PTPRD: variants seen among roughly 807,000 people sequenced by gnomAD.
PTPRD encodes protein tyrosine phosphatase receptor type D.
A neutral mutation model predicts 214.5 loss-of-function variants in PTPRD; 34 were observed. The observed-to-expected ratio is 0.16, with a 90% CI of 0.12 to 0.21. The LOEUF is 0.21. Among genes scored for constraint, PTPRD ranks in the 10% least tolerant of loss-of-function variants. The probability of loss-of-function intolerance (pLI) is 1.00; values close to 1 mark genes in which losing one functional copy is unlikely to be tolerated. For missense variants in PTPRD, 2,545 were observed against 2,398.7 expected (o/e 1.06, Z -1.27); for synonymous variants, 1,128 against 845.7 (o/e 1.33, Z -5.79).
At chr9:10,398,264 C>G (rs553990215) in intron 2 of PTPRD, among the ~76,000 whole-genome samples, 4 of 151,444 alleles carry the variant, frequency 2.6e-5, no homozygotes, top group Non-Finnish European at 5.9e-5. Context: ...GCCTACAATC[C>G]CAGCTACTCG....
intron 11 of PTPRD, among the ~76,000 whole-genome samples, chr9:8,768,434 C>T (rs920895956): frequency 6.6e-6 from 1 of 152,054 alleles, no homozygotes; most frequent in Non-Finnish European, 1.5e-5. Context: ...CACCTGTAGT[C>T]CCAGCTACTC....
At chr9:8,768,243 A>T (rs193117666) in intron 11 of PTPRD, among the ~76,000 whole-genome samples, 1 of 152,300 alleles carries the variant, frequency 6.6e-6, no homozygotes, top group African/African-American at 2.4e-5. Flanking sequence ...TAAAAAAATT[A>T]AAAAATAAAA....
At chr9:9,953,296 A>G (rs1195996726) in intron 4 of PTPRD, among the ~76,000 whole-genome samples, 2 of 152,106 alleles carry the variant, frequency 1.3e-5, no homozygotes, top group Non-Finnish European at 2.9e-5. Context: ...ATAGGCATGA[A>G]CAGAACAAAA....
chr9:9,772,707 T>A (rs2098762467), intron 5 of PTPRD, among the ~76,000 whole-genome samples: 1 of 152,190 alleles, frequency 6.6e-6, no homozygotes, highest in African/African-American at 2.4e-5. Context: ...TCTTTTTTCA[T>A]ATAGCAAGTC....
intron 2 of PTPRD, among the ~76,000 whole-genome samples, chr9:10,355,818 A>T (rs76876258): frequency 0.035 from 5,395 of 152,154 alleles, 143 homozygotes; most frequent in South Asian, 0.13. Flanking sequence ...CTTAAAACAT[A>T]GAGTATGAAA....
intron 11 of PTPRD, among the ~76,000 whole-genome samples, chr9:8,853,309 G>C (rs565696010): frequency 6.6e-6 from 1 of 152,236 alleles, no homozygotes; most frequent in East Asian, 1.9e-4. Context: ...TTTTACATCT[G>C]AGGCTATAAT....
intron 3 of PTPRD, among the ~76,000 whole-genome samples, chr9:10,132,666 T>G (rs1053321412): frequency 6.6e-6 from 1 of 152,120 alleles, no homozygotes; most frequent in African/African-American, 2.4e-5. Context: ...CAGAAAAAAG[T>G]AGAGAACAGA....
chr9:9,561,676 A>C lies in PTPRD; in HGVS notation c.-237+13056T>G, dbSNP rs115910371. 4.9e-3 allele frequency among the ~76,000 whole-genome samples: 739 copies of C among 152,322 alleles called. 8 individuals are homozygous for C. The highest frequency in any genetic ancestry group is 0.017 in the African/African-American group (690 of 41,576). On this transcript the variant is annotated intron_variant, in intron 8 of 45. Coordinates refer to ENST00000381196, the MANE Select transcript of PTPRD (RefSeq NM_002839.4). ...ACTGAAAAAAACACTCTTACTTTCC[A>C]AACAAAAGAAGGGTACTAATTTATA...
chr9:9,145,286 C>T (rs1339645082), intron 10 of PTPRD, among the ~76,000 whole-genome samples: 2 of 152,102 alleles, frequency 1.3e-5, no homozygotes, highest in East Asian at 3.9e-4. Context: ...ATCTTTGGGA[C>T]CACTGCTACT....
chr9:10,281,894 C>T (rs2095132945), intron 3 of PTPRD, among the ~76,000 whole-genome samples: 1 of 151,730 alleles, frequency 6.6e-6, no homozygotes, highest in Non-Finnish European at 1.5e-5. Flanking sequence ...GTAATACAAA[C>T]TATTTTAGAA....
chr9:9,341,133 T>G (rs1325383103), intron 9 of PTPRD, among the ~76,000 whole-genome samples: 2 of 152,080 alleles, frequency 1.3e-5, no homozygotes, highest in Non-Finnish European at 2.9e-5. Context: ...TGTATATATA[T>G]ATATATATCA....
At chr9:10,193,960 C>A (rs1027447996) in intron 3 of PTPRD, among the ~76,000 whole-genome samples, 1 of 152,004 alleles carries the variant, frequency 6.6e-6, no homozygotes, top group Admixed American at 6.6e-5. Flanking sequence ...TATTGCTGTG[C>A]TCAAAGTTAG....
chr9:10,600,055 T>C (rs145674579), intron 2 of PTPRD, among the ~76,000 whole-genome samples: 80 of 151,932 alleles, frequency 5.3e-4, no homozygotes, highest in Non-Finnish European at 1.1e-3. Context: ...TTAAAGGTCA[T>C]TTAAAATACA....
chr9:10,522,183 G>T (rs1456733626), intron 2 of PTPRD, among the ~76,000 whole-genome samples: 2 of 152,132 alleles, frequency 1.3e-5, no homozygotes, highest in African/African-American at 4.8e-5. Flanking sequence ...ATAGGCAGTG[G>T]ATATTGAAGG....
At chr9:8,351,279 A>T (rs1194038017) in intron 39 of PTPRD, among the ~76,000 whole-genome samples, 1 of 152,172 alleles carries the variant, frequency 6.6e-6, no homozygotes, top group Non-Finnish European at 1.5e-5. Context: ...ACATATCTCT[A>T]TTTGTACACA....
intron 7 of PTPRD, among the ~76,000 whole-genome samples, chr9:9,722,290 T>C (rs1425566042): frequency 6.6e-6 from 1 of 152,080 alleles, no homozygotes; most frequent in African/African-American, 2.4e-5. Context: ...TTCCCTATTC[T>C]GGATAATTCA....
intron 11 of PTPRD, among the ~76,000 whole-genome samples, chr9:8,832,165 A>G (rs186940180): frequency 6.6e-6 from 1 of 151,758 alleles, no homozygotes; most frequent in East Asian, 1.9e-4. Flanking sequence ...GATGACTACC[A>G]AGACAGTACC....
At chr9:10,162,727 A>C (rs1439700880) in intron 3 of PTPRD, among the ~76,000 whole-genome samples, 1 of 145,526 alleles carries the variant, frequency 6.9e-6, no homozygotes, top group Admixed American at 6.9e-5. Context: ...ATACATATAC[A>C]TGTACATATA....
rs72708124 is a variant in PTPRD, at chr9:8,954,832, A to G, written c.-104+63865T>C. Among the ~76,000 whole-genome samples the G allele has an allele frequency of 5.6e-3, 855 of 152,060 alleles. 3 individuals are homozygous for G. Among genetic ancestry groups the G allele is most frequent in the African/African-American group, 0.012 (486 of 41,544 alleles). ...AATGTAAAGATTGCATTGAAGAAAAATAAACAATTTGAGTAAATATTGAAA... is the reference window on the plus strand; with the variant it reads ...AATGTAAAGATTGCATTGAAGAAAAGTAAACAATTTGAGTAAATATTGAAA... On this transcript the variant is annotated intron_variant, in intron 11 of 45. Coordinates refer to ENST00000381196, the MANE Select transcript of PTPRD (RefSeq NM_002839.4).
Sources: allele counts gnomAD v4.1 joint callset (sites outside exome capture counted in the v4.1 genomes callset), GRCh38; gene constraint gnomAD v4.1.1; transcripts MANE v1.5; gene names NCBI Gene and HGNC (gene_info 2026-07-23, HGNC 2026-07-21).